Variants in PDSS2 observed in about 807,000 individuals in gnomAD.
The protein encoded by PDSS2 is all trans-polyprenyl-diphosphate synthase PDSS2.
Under a neutral mutation model 44.5 loss-of-function variants are expected in PDSS2, and 31 were observed. The ratio of observed to expected loss-of-function variants is 0.70; its 90% CI spans 0.52 to 0.94. The LOEUF (loss-of-function observed/expected upper bound fraction) is 0.94. Ranked by LOEUF, PDSS2 falls within the 40% of genes least tolerant of loss-of-function variation. The probability of loss-of-function intolerance (pLI) is 0.00; values close to 1 mark genes in which losing one functional copy is unlikely to be tolerated. For synonymous variants in PDSS2, 157 were observed against 180.3 expected, an observed-to-expected ratio of 0.87 and a Z score of 1.03; for missense variants, 452 against 482.2, an observed-to-expected ratio of 0.94 and a Z score of 0.59.
At chr6:107,161,202 C>T (rs1264671479) in intron 7 of PDSS2, among the ~76,000 whole-genome samples, 11 of 150,544 alleles carry the variant, frequency 7.3e-5, no homozygotes, top group South Asian at 2.2e-4. Flanking sequence ...ACTTTTTGGC[C>T]GGGCGCGGTG....
At position 107,225,176 on chromosome 6, in the gene PDSS2, T is replaced by A. The variant is rs1196904225; in HGVS notation, c.703-12894A>T. Among the ~76,000 whole-genome samples, 502 of 96,796 alleles carry A rather than the reference T, an allele frequency of 5.2e-3. 29 individuals are homozygous for A. Among genetic ancestry groups the A allele is most frequent in the African/African-American group, 0.023 (422 of 18,148 alleles). 63.5% of individuals were successfully genotyped at this position (96,796 alleles called of 152,430 possible). On this transcript the variant is annotated intron_variant, in intron 4 of 7. Coordinates refer to ENST00000369037, the MANE Select transcript of PDSS2 (RefSeq NM_020381.4). ...ATATATATATATTTTTTTTTTTTTT[T>A]TTTTTTTTTTTTTGAGACAGAGTGT...
intron 1 of PDSS2, among the ~76,000 whole-genome samples, chr6:107,447,021 C>CAAG (rs1781704916): frequency 6.6e-6 from 1 of 152,216 alleles, no homozygotes; most frequent in East Asian, 1.9e-4. Context: ...AGGCAAGTCC[C>CAAG]TTCTACCTAT....
At chr6:107,439,327 G>A (rs1045293271) in intron 1 of PDSS2, among the ~76,000 whole-genome samples, 2 of 152,222 alleles carry the variant, frequency 1.3e-5, no homozygotes. Flanking sequence ...AGAACATTAA[G>A]TGACCATGCA....
chr6:107,248,516 TAAA>T (rs34881663), intron 3 of PDSS2, among the ~76,000 whole-genome samples: 24,194 of 122,162 alleles, frequency 0.2, 2,361 homozygotes, highest in South Asian at 0.24. Flanking sequence ...AGGGAACTGT[TAAA>T]AAAAAAAAAA....
chr6:107,244,102 T>C (rs1227191854), intron 4 of PDSS2, among the ~76,000 whole-genome samples: 1 of 152,178 alleles, frequency 6.6e-6, no homozygotes, highest in Non-Finnish European at 1.5e-5. Context: ...CACTCCAGCC[T>C]GGGCAACAAG....
At chr6:107,267,981 T>C (rs944907202) in intron 3 of PDSS2, among the ~76,000 whole-genome samples, 1 of 152,308 alleles carries the variant, frequency 6.6e-6, no homozygotes, top group African/African-American at 2.4e-5. Context: ...ATATTAAAGG[T>C]ACCATACTAC....
chr6:107,378,419 A>C (rs928411582), intron 1 of PDSS2, among the ~76,000 whole-genome samples: 1 of 152,172 alleles, frequency 6.6e-6, no homozygotes, highest in African/African-American at 2.4e-5. Context: ...GTTGTATGAC[A>C]TAAGGCTAAT....
chr6:107,280,835 T>C (rs1341113031), intron 2 of PDSS2, among the ~76,000 whole-genome samples: 1 of 152,214 alleles, frequency 6.6e-6, no homozygotes, highest in Non-Finnish European at 1.5e-5. Flanking sequence ...GGAGCCTGCT[T>C]TCTCTCTATC....
intron 1 of PDSS2, among the ~76,000 whole-genome samples, chr6:107,410,776 C>T (rs1780468084): frequency 6.6e-6 from 1 of 152,246 alleles, no homozygotes; most frequent in East Asian, 1.9e-4. Flanking sequence ...GCACTAATTA[C>T]AGGCACTAAT....
intron 7 of PDSS2, among the ~76,000 whole-genome samples, chr6:107,176,457 CA>C (rs1030193738): frequency 7.3e-6 from 1 of 137,044 alleles, no homozygotes; most frequent in Non-Finnish European, 1.6e-5. Context: ...CACACACACA[CA>C]AATATAAAAG....
At chr6:107,278,333 C>T (rs1432789436) in intron 2 of PDSS2, among the ~76,000 whole-genome samples, 1 of 152,030 alleles carries the variant, frequency 6.6e-6, no homozygotes, top group African/African-American at 2.4e-5. Context: ...ACTTATAAGA[C>T]AGTTGAAAAG....
rs189463292 is a variant in PDSS2, at chr6:107,417,193, C to T, written c.296+41797G>A. ...GACCACAAGACATATGTAAACAAGA[C>T]ATACAAAGATAAACAAATAAATAGA... On this transcript the variant is annotated intron_variant, in intron 1 of 7. Transcript: ENST00000369037. Among the ~76,000 whole-genome samples the T allele has an allele frequency of 3.8e-3, 571 of 152,188 alleles. 4 individuals carry two copies. The highest frequency in any genetic ancestry group is 0.011 in the African/African-American group (437 of 41,546).
chr6:107,187,388 G>T (rs1379882835), intron 7 of PDSS2, among the ~76,000 whole-genome samples: 1 of 152,156 alleles, frequency 6.6e-6, no homozygotes, highest in Non-Finnish European at 1.5e-5. Context: ...CTTAAGGCCC[G>T]GTGTGGTGGC....
intron 1 of PDSS2, among the ~76,000 whole-genome samples, chr6:107,390,526 G>A (rs1360931526): frequency 6.6e-6 from 1 of 152,124 alleles, no homozygotes; most frequent in East Asian, 1.9e-4. Context: ...ACGTAATGTG[G>A]TATACTGCAT....
At chr6:107,250,894 T>C in intron 3 of PDSS2, among the ~76,000 whole-genome samples, 1 of 152,106 alleles carries the variant, frequency 6.6e-6, no homozygotes, top group Non-Finnish European at 1.5e-5. Context: ...CTCGCTCTGT[T>C]ACCCAGGCTG....
At chr6:107,458,564 T>C (rs1782132677) in intron 1 of PDSS2, among the ~76,000 whole-genome samples, 1 of 151,970 alleles carries the variant, frequency 6.6e-6, no homozygotes, top group Admixed American at 6.5e-5. Context: ...AAGAATTATC[T>C]ACCTTCAGCC....
intron 1 of PDSS2, among the ~76,000 whole-genome samples, chr6:107,373,353 G>A (rs1001974741): frequency 6.6e-6 from 1 of 151,834 alleles, no homozygotes; most frequent in African/African-American, 2.4e-5. Flanking sequence ...AGTAAAAATC[G>A]GCCTCCAAAA....
chr6:107,453,547 G>A (rs542837889), intron 1 of PDSS2, among the ~76,000 whole-genome samples: 2 of 151,818 alleles, frequency 1.3e-5, no homozygotes, highest in South Asian at 4.1e-4. Context: ...CTATTTCTGG[G>A]TTCTCTATTC....
At chr6:107,279,798 G>A (rs1279944142) in intron 2 of PDSS2, among the ~76,000 whole-genome samples, 1 of 152,084 alleles carries the variant, frequency 6.6e-6, no homozygotes, top group African/African-American at 2.4e-5. Context: ...CTCTAGTACT[G>A]TGCTCTCAGA....
Sources: gnomAD v4.1 joint callset for allele counts (sites outside exome capture counted in the v4.1 genomes callset) on GRCh38, gnomAD v4.1.1 for gene constraint, MANE v1.5 for transcripts, NCBI Gene and HGNC (gene_info 2026-07-23, HGNC 2026-07-21) for gene names.